The following HYKK variants were observed in gnomAD, a reference collection of about 807,000 sequenced individuals.
The protein encoded by HYKK is 5-hydroxy-L-lysine kinase.
In HYKK, 19 loss-of-function variants were observed where a neutral mutation model predicts 29.7. The ratio of observed to expected loss-of-function variants is 0.64; its 90% CI spans 0.45 to 0.94. HYKK has a LOEUF of 0.94. HYKK is among the 40% of genes least tolerant of loss of function. The pLI is 0.00. For synonymous variants in HYKK, 152 were observed against 158.1 expected, an observed-to-expected ratio of 0.96 and a Z score of 0.29; for missense variants, 390 against 443.4, an observed-to-expected ratio of 0.88 and a Z score of 1.08.
intron 3 of HYKK, among the ~76,000 whole-genome samples, chr15:78,522,360 C>T (rs2052205248): frequency 6.6e-6 from 1 of 152,030 alleles, no homozygotes; most frequent in Non-Finnish European, 1.5e-5. Context: ...TCGAGACCAG[C>T]CTGGCCAACA....
chr15:78,525,893 C>T (rs1457897584), intron 3 of HYKK, among the ~76,000 whole-genome samples: 5 of 152,166 alleles, frequency 3.3e-5, no homozygotes, highest in African/African-American at 1.2e-4. Flanking sequence ...TGCCTGTATA[C>T]TGGGGTTATG....
chr15:78,533,768 C>T lies in HYKK; in HGVS notation c.*98C>T. The T allele has an allele frequency of 1.3e-6, 1 of 797,486 alleles. No homozygotes were observed. Among genetic ancestry groups the T allele is most frequent in the Non-Finnish European group, 2.0e-6 (1 of 492,390 alleles). The allele number at this position is 797,486 out of a possible 1,614,324, so 49.4% of individuals were successfully genotyped here. On this transcript the variant is annotated 3_prime_UTR_variant, in exon 5 of 5. Transcript: ENST00000388988. Reference sequence around the variant, plus strand: ...AGGATTTTCCTGCATAGTTAAAAATCAACTGATGGAATGGATCAATTCTGA... The same window carrying T: ...AGGATTTTCCTGCATAGTTAAAAATTAACTGATGGAATGGATCAATTCTGA...
intron 1 of HYKK, among the ~76,000 whole-genome samples, chr15:78,511,352 G>C: frequency 6.6e-6 from 1 of 152,072 alleles, no homozygotes; most frequent in Middle Eastern, 3.2e-3. Flanking sequence ...AAATATACCA[G>C]GTGTGGGTAG....
rs150489865 is a variant in HYKK at position 78,509,807 on chromosome 15, T to C, written c.-6+2136T>C. ...TTGTTTTGAAACTCCATTTAGGCTT[T>C]GTCACAGTACCTTCAGTGAACAAAA... On this transcript the variant is annotated intron_variant, in intron 1 of 4. Transcript: ENST00000388988. Among the ~76,000 whole-genome samples the C allele has an allele frequency of 4.6e-5, 7 of 152,388 alleles. No homozygotes were observed. The East Asian group carries it at 1.3e-3, about 29-fold the overall frequency.
At chr15:78,514,256 T>G (rs2052104385) in intron 2 of HYKK, among the ~76,000 whole-genome samples, 1 of 152,182 alleles carries the variant, frequency 6.6e-6, no homozygotes, top group Non-Finnish European at 1.5e-5. Context: ...TATGTGACCT[T>G]GGACACATAG....
At chr15:78,515,451 C>T (rs574575457) in intron 3 of HYKK, among the ~76,000 whole-genome samples, 1 of 152,072 alleles carries the variant, frequency 6.6e-6, no homozygotes, top group Non-Finnish European at 1.5e-5. Flanking sequence ...GGCATGGTGG[C>T]GTGTGCCTGT....
At chr15:78,517,072 T>C (rs2052141667) in intron 3 of HYKK, among the ~76,000 whole-genome samples, 2 of 7,844 alleles carry the variant, frequency 2.5e-4, no homozygotes, top group Non-Finnish European at 4.3e-4. Flanking sequence ...CTTGCTTGCA[T>C]CAGGTCCTTT....
chr15:78,515,129 T>C (rs369155537), intron 3 of HYKK, 22 bp downstream of exon 3: 2 of 1,521,758 alleles, frequency 1.3e-6, no homozygotes, highest in Non-Finnish European at 1.8e-6. Context: ...GGCTTTATTT[T>C]ATTCTAAGGG....
At chr15:78,508,321 T>C (rs1191156594) in intron 1 of HYKK, among the ~76,000 whole-genome samples, 4 of 152,062 alleles carry the variant, frequency 2.6e-5, no homozygotes, top group Non-Finnish European at 2.9e-5. Flanking sequence ...ATTGACTGGG[T>C]ATAATCCCTT....
chr15:78,519,999 G>C (rs1347769603), intron 3 of HYKK, among the ~76,000 whole-genome samples: 3 of 152,164 alleles, frequency 2.0e-5, no homozygotes, highest in Non-Finnish European at 4.4e-5. Context: ...CAGTTTTAGA[G>C]GGAAATAGCA....
intron 4 of HYKK, among the ~76,000 whole-genome samples, chr15:78,529,291 A>C (rs925940415): frequency 6.6e-6 from 1 of 152,214 alleles, no homozygotes; most frequent in Non-Finnish European, 1.5e-5. Flanking sequence ...CTAATATACC[A>C]CACATTATTC....
chr15:78,530,663 AT>A (rs34312933), intron 4 of HYKK, among the ~76,000 whole-genome samples: 47,719 of 151,452 alleles, frequency 0.32, 8,484 homozygotes, highest in Non-Finnish European at 0.42. Flanking sequence ...GAGCTAAAAA[AT>A]TTTTTTTTAT....
Position 78,532,338 on chromosome 15 carries a change from T to A in HYKK, c.662-872T>A, listed in dbSNP as rs1392595970. Among the ~76,000 whole-genome samples, 20 of 152,170 alleles carry A rather than the reference T, an allele frequency of 1.3e-4. 1 individual carries two copies. The highest frequency in any genetic ancestry group is 1.2e-3 in the Admixed American group (19 of 15,276). The stretch of plus-strand genomic sequence containing the variant: ...TATCCCTGTAAAATTTTCTAAACAC[T>A]CTCAACTCTGTTCTTATCTCATGGA... On this transcript the variant is annotated intron_variant, in intron 4 of 4. Coordinates refer to ENST00000388988, the MANE Select transcript of HYKK (RefSeq NM_001013619.4).
rs1466625714 is a variant in HYKK at position 78,533,704 on chromosome 15, AC to A, written c.*35del. The A allele has an allele frequency of 6.6e-7, 1 of 1,508,714 alleles. No homozygotes were observed. The highest frequency in any genetic ancestry group is 9.1e-7 in the Non-Finnish European group (1 of 1,094,410). The allele number at this position is 1,508,714 out of a possible 1,614,324, so 93.5% of individuals were successfully genotyped here. A position where few individuals can be genotyped will look rare whatever the true frequency, so the allele number is the denominator to read the frequency against. On this transcript the variant is annotated 3_prime_UTR_variant, in exon 5 of 5. Coordinates refer to ENST00000388988, the MANE Select transcript of HYKK (RefSeq NM_001013619.4). ...TCCATGTGACTCAAAGTTCACTTTA[AC>A]TTGGGTAATTAAAATAGGACCCAGT...
intron 3 of HYKK, 85 bp downstream of exon 3, chr15:78,515,192 CT>C: frequency 9.5e-7 from 1 of 1,048,296 alleles, no homozygotes; most frequent in Non-Finnish European, 1.3e-6. Flanking sequence ...ATCAGATTCT[CT>C]TTTTATGTAT....
intron 3 of HYKK, among the ~76,000 whole-genome samples, chr15:78,515,941 G>A (rs1384139110): frequency 1.3e-5 from 2 of 152,148 alleles, no homozygotes; most frequent in East Asian, 3.9e-4. Flanking sequence ...GTGTTGGAAA[G>A]ATTACCTAAA....
Position 78,536,450 on chromosome 15 carries a change from C to G in HYKK, c.*2780C>G, listed in dbSNP as rs978913501. 3 of 152,184 alleles carry G rather than the reference C, an allele frequency of 2.0e-5. No homozygotes were observed. The highest frequency in any genetic ancestry group is 4.4e-5 in the Non-Finnish European group (3 of 68,030). The allele number at this position is 152,184 out of a possible 1,614,324, so 9.4% of individuals were successfully genotyped here. On this transcript the variant is annotated 3_prime_UTR_variant, in exon 5 of 5. Transcript: ENST00000388988. ...CTAGGTTGACCTCTCAAGCTAAAAA[C>G]TGGGAACCAGAATAATGGACTGAAA... is the stretch of plus-strand genomic sequence containing the variant.
In HYKK at chr15:78,536,331, A is replaced by G. The variant is rs900485159; in HGVS notation, c.*2661A>G. The G allele has an allele frequency of 1.4e-5, 2 of 146,380 alleles. No homozygotes were observed. The highest frequency in any genetic ancestry group is 3.3e-3 in the Middle Eastern group (1 of 302). The allele number at this position is 146,380 out of a possible 1,614,324, so 9.1% of individuals were successfully genotyped here. On this transcript the variant is annotated 3_prime_UTR_variant, in exon 5 of 5. Transcript: ENST00000388988. ...CACACACACACACACACACACACAC[A>G]TGCACACTCACTCACACACACTAGG...
chr15:78,526,465 C>T (rs2052255787), intron 3 of HYKK, among the ~76,000 whole-genome samples: 1 of 152,128 alleles, frequency 6.6e-6, no homozygotes, highest in South Asian at 2.1e-4. Context: ...ACAGAGAAGG[C>T]GTTTTTTGAG....
Sources: gnomAD v4.1 joint callset for allele counts (sites outside exome capture counted in the v4.1 genomes callset) on GRCh38, gnomAD v4.1.1 for gene constraint, MANE v1.5 for transcripts, NCBI Gene and HGNC (gene_info 2026-07-23, HGNC 2026-07-21) for gene names.